The following NEXMIF variants were observed in gnomAD, a reference collection of about 807,000 sequenced individuals.
NEXMIF encodes the protein XLMR protein related to neurite extension.
In NEXMIF, 8 loss-of-function variants were observed where a neutral mutation model predicts 62.1. The ratio of observed to expected loss-of-function variants is 0.13; its 90% CI spans 0.08 to 0.23. The LOEUF (loss-of-function observed/expected upper bound fraction) is 0.23, where lower values mean the gene tolerates loss of function less well. NEXMIF is among the 10% of genes least tolerant of loss of function. NEXMIF has a pLI of 1.00. For synonymous variants in NEXMIF, 404 were observed against 416.6 expected, an observed-to-expected ratio of 0.97 and a Z score of 0.37; for missense variants, 976 against 1,113.3, an observed-to-expected ratio of 0.88 and a Z score of 1.75.
chrX:74,787,999 C>T lies in NEXMIF; in HGVS notation c.-47-42302G>A, dbSNP rs148123857. Among the ~76,000 whole-genome samples, 846 of 111,843 alleles carry T rather than the reference C, an allele frequency of 7.6e-3. 10 individuals carry two copies. Among genetic ancestry groups the T allele is most frequent in the African/African-American group, 0.026 (792 of 30,761 alleles). ...CATACCAAAGGATCTGGATCCAGAG[C>T]ACCAGAGTCAATCATGAGTACCAGT... On this transcript the variant is annotated intron_variant, in intron 1 of 3. Coordinates refer to ENST00000055682, the MANE Select transcript of NEXMIF (RefSeq NM_001008537.3).
chrX:74,740,338 T>C lies in NEXMIF; in HGVS notation c.4219A>G (p.Ile1407Val), dbSNP rs1455364476. ...ATGTTTGCACGACCAGGATCACCTA[T>C]TGCTGTTTTCCCATTGCTTTTGCTC... ...GVSKSNGKTAIGDPGRANMPG... is the reference protein window; with the variant it reads ...GVSKSNGKTAVGDPGRANMPG... Residue 1407 changes from isoleucine to valine, a missense_variant, in exon 3 of 4, where the codon ATA (isoleucine) becomes GTA (valine). Ile to Val is a conservative substitution (Grantham distance 29). Coordinates refer to ENST00000055682, the MANE Select transcript of NEXMIF (RefSeq NM_001008537.3). The C allele has an allele frequency of 2.5e-6, 3 of 1,210,007 alleles. No individual in the cohort carries two copies. The highest frequency in any genetic ancestry group is 1.1e-6 in the Non-Finnish European group (1 of 895,216).
chrX:74,787,104 CAAAAAAA>C (rs766388500), intron 1 of NEXMIF, among the ~76,000 whole-genome samples: 27 of 31,749 alleles, frequency 8.5e-4, no homozygotes, highest in African/African-American at 1.4e-3. Context: ...ACCAAAAATA[CAAAAAAA>C]AAAAAAAAAA....
chrX:74,899,362 A>G (rs763311438), intron 1 of NEXMIF, among the ~76,000 whole-genome samples: 1 of 112,022 alleles, frequency 8.9e-6, no homozygotes, highest in Admixed American at 9.5e-5. Flanking sequence ...GTTAGAACTG[A>G]TCAATGAATT....
intron 1 of NEXMIF, among the ~76,000 whole-genome samples, chrX:74,837,884 G>A (rs1463874681): frequency 1.8e-5 from 2 of 111,916 alleles, no homozygotes; most frequent in Admixed American, 9.5e-5. Context: ...TGAGAAAGGC[G>A]CAGTGATTTC....
intron 1 of NEXMIF, among the ~76,000 whole-genome samples, chrX:74,879,206 C>G (rs951163790): frequency 9.0e-6 from 1 of 111,695 alleles, no homozygotes; most frequent in African/African-American, 3.3e-5. Context: ...GATGTTGGTA[C>G]AAGGGTTAAA....
chrX:74,907,334 A>ACCCCCCCCCCCCCCCC (rs56726810), intron 1 of NEXMIF, among the ~76,000 whole-genome samples: 4 of 53,044 alleles, frequency 7.5e-5, no homozygotes, highest in Non-Finnish European at 7.9e-5. Flanking sequence ...AAGCAAGAGC[A>ACCCCCCCCCCCCCCCC]CCCCCCCCCC....
chrX:74,842,245 G>C (rs1602247099), intron 1 of NEXMIF, among the ~76,000 whole-genome samples: 1 of 111,332 alleles, frequency 9.0e-6, no homozygotes, highest in Middle Eastern at 4.8e-3. Flanking sequence ...ATCTCTTCTA[G>C]GTTTTCTAGT....
chrX:74,874,225 C>T (rs1489355272), intron 1 of NEXMIF, among the ~76,000 whole-genome samples: 7 of 109,639 alleles, frequency 6.4e-5, no homozygotes, highest in East Asian at 3.0e-4. Flanking sequence ...AGCCAGTTTT[C>T]CCAGCACCAT....
chrX:74,751,916 A>G (rs765139542), intron 1 of NEXMIF, among the ~76,000 whole-genome samples: 6 of 103,989 alleles, frequency 5.8e-5, no homozygotes, highest in Non-Finnish European at 1.2e-4. Context: ...ATCTTGCTTC[A>G]CTGCAACCTC....
intron 1 of NEXMIF, among the ~76,000 whole-genome samples, chrX:74,834,789 T>C (rs543011900): frequency 1.8e-5 from 2 of 111,476 alleles, no homozygotes; most frequent in African/African-American, 3.3e-5. Flanking sequence ...GTAGTCTTCT[T>C]TGGGTTAAAG....
At chrX:74,839,207 G>A (rs1410419525) in intron 1 of NEXMIF, among the ~76,000 whole-genome samples, 1 of 111,415 alleles carries the variant, frequency 9.0e-6, no homozygotes, top group Non-Finnish European at 1.9e-5. Context: ...ACCAGTAGGT[G>A]GAAAAAGGGT....
intron 1 of NEXMIF, among the ~76,000 whole-genome samples, chrX:74,867,230 A>G (rs775194451): frequency 4.7e-4 from 53 of 112,108 alleles, no homozygotes; most frequent in Non-Finnish European, 9.6e-4. Context: ...ATTCCACGCT[A>G]TTACCATTAC....
At chrX:74,905,271 C>T (rs1298300316) in intron 1 of NEXMIF, among the ~76,000 whole-genome samples, 1 of 110,979 alleles carries the variant, frequency 9.0e-6, no homozygotes, top group Non-Finnish European at 1.9e-5. Flanking sequence ...CACAGACAAG[C>T]TCTATATATT....
intron 1 of NEXMIF, among the ~76,000 whole-genome samples, chrX:74,872,628 C>T (rs1215971785): frequency 9.2e-6 from 1 of 108,928 alleles, no homozygotes; most frequent in Non-Finnish European, 1.9e-5. Context: ...ACAATATTTA[C>T]TATATTTAAA....
chrX:74,908,097 G>A (rs2080775119), intron 1 of NEXMIF, among the ~76,000 whole-genome samples: 1 of 111,687 alleles, frequency 9.0e-6, no homozygotes, highest in African/African-American at 3.3e-5. Context: ...CTCCTAGAGG[G>A]TTATTGGGAG....
rs544890509 is a variant in NEXMIF, at chrX:74,864,839, G to T, written c.-48+60044C>A. ...TTCTCATGCCTCAGCCTCCTGAGTA[G>T]CTGGGACTATAGGCACCCACCACCA... is the stretch of plus-strand genomic sequence containing the variant. On this transcript the variant is annotated intron_variant, in intron 1 of 3. Transcript: ENST00000055682. 4.5e-5 allele frequency among the ~76,000 whole-genome samples: 5 copies of T among 110,646 alleles called. 1 individual carries two copies. The East Asian group carries it at 1.4e-3, about 32-fold the overall frequency.
intron 1 of NEXMIF, among the ~76,000 whole-genome samples, chrX:74,861,775 C>T (rs1431512240): frequency 9.0e-6 from 1 of 111,428 alleles, no homozygotes; most frequent in Non-Finnish European, 1.9e-5. Context: ...AAATAAAGTC[C>T]TTTTCAGACA....
At chrX:74,848,080 T>C (rs1160902359) in intron 1 of NEXMIF, among the ~76,000 whole-genome samples, 3 of 111,663 alleles carry the variant, frequency 2.7e-5, no homozygotes, top group Non-Finnish European at 3.8e-5. Context: ...TGTATTCCCA[T>C]AGACAAAAAA....
chrX:74,734,038 C>T lies in NEXMIF; in HGVS notation c.*5367G>A, dbSNP rs1684644126. 1 of 111,392 alleles carries T rather than the reference C, an allele frequency of 9.0e-6. No homozygotes were observed. The highest frequency in any genetic ancestry group is 2.8e-4 in the East Asian group (1 of 3,563). The allele number at this position is 111,392 out of a possible 1,213,427, so 9.2% of individuals were successfully genotyped here. ...ATTTTGTAGACGTCTTAAGAGTGAT[C>T]CTTAAGCTTTAAACTTCAATTGATT... On this transcript the variant is annotated 3_prime_UTR_variant, in exon 4 of 4. Transcript: ENST00000055682.
Sources: allele counts gnomAD v4.1 joint callset (sites outside exome capture counted in the v4.1 genomes callset), GRCh38; gene constraint gnomAD v4.1.1; transcripts MANE v1.5; gene names NCBI Gene and HGNC (gene_info 2026-07-23, HGNC 2026-07-21).